Variants in ZC3H12B observed in about 807,000 individuals in gnomAD.
The protein encoded by ZC3H12B is probable ribonuclease ZC3H12B.
In ZC3H12B, 7 loss-of-function variants were observed where a neutral mutation model predicts 43.9. The ratio of observed to expected loss-of-function variants is 0.16; its 90% CI spans 0.09 to 0.30. ZC3H12B has a LOEUF of 0.30. ZC3H12B is among the 10% of genes least tolerant of loss of function. The pLI, the probability that ZC3H12B is intolerant of heterozygous loss-of-function variation, is 1.00. For synonymous variants in ZC3H12B, 222 were observed against 241.7 expected, an observed-to-expected ratio of 0.92 and a Z score of 0.76; for missense variants, 475 against 670.2, an observed-to-expected ratio of 0.71 and a Z score of 3.22.
chrX:65,139,760 G>C, the ZC3H12B span, among the ~76,000 whole-genome samples: 4 of 111,196 alleles, frequency 3.6e-5, no homozygotes, highest in African/African-American at 1.3e-4. Context: ...TTCTCAGTTT[G>C]TTATCAATGT....
At chrX:65,161,333 C>T in the ZC3H12B span, among the ~76,000 whole-genome samples, 4 of 111,235 alleles carry the variant, frequency 3.6e-5, no homozygotes, top group South Asian at 7.6e-4. Context: ...CTTTCTGTCT[C>T]GTTGATCTGT....
At chrX:65,502,587 A>G (rs780760315) in exon 5 of ZC3H12B, 2 of 1,209,936 alleles carry the variant, frequency 1.7e-6, no homozygotes, top group Admixed American at 4.4e-5. Flanking sequence ...CCTTTTCCTC[A>G]TGGTTACCAT....
the ZC3H12B span, among the ~76,000 whole-genome samples, chrX:65,166,423 T>G: frequency 8.9e-6 from 1 of 112,012 alleles, no homozygotes; most frequent in African/African-American, 3.2e-5. Context: ...ATGTGCCACA[T>G]TTTCTTAATC....
chrX:65,339,295 C>T, the ZC3H12B span, among the ~76,000 whole-genome samples: 1 of 111,497 alleles, frequency 9.0e-6, no homozygotes, highest in African/African-American at 3.3e-5. Flanking sequence ...GAGAACACTG[C>T]ATGGGTCTAC....
At chrX:65,327,389 T>C in the ZC3H12B span, among the ~76,000 whole-genome samples, 1 of 111,648 alleles carries the variant, frequency 9.0e-6, no homozygotes, top group East Asian at 2.8e-4. Flanking sequence ...TCCTAAAAGA[T>C]TGATTCTTCC....
At chrX:65,151,409 T>A in the ZC3H12B span, among the ~76,000 whole-genome samples, 25 of 112,275 alleles carry the variant, frequency 2.2e-4, no homozygotes, top group African/African-American at 7.7e-4. Flanking sequence ...AATTGACATG[T>A]AGGATATGTT....
the ZC3H12B span, among the ~76,000 whole-genome samples, chrX:65,167,080 C>T: frequency 8.9e-6 from 1 of 111,862 alleles, no homozygotes; most frequent in Non-Finnish European, 1.9e-5. Flanking sequence ...GCTTTTGTTG[C>T]CGTTGCCTTT....
the ZC3H12B span, among the ~76,000 whole-genome samples, chrX:65,175,869 G>T: frequency 8.9e-6 from 1 of 112,293 alleles, no homozygotes; most frequent in Non-Finnish European, 1.9e-5. Context: ...AAGATACTAC[G>T]CTTTACCCAC....
chrX:65,161,627 G>C, the ZC3H12B span, among the ~76,000 whole-genome samples: 83 of 111,379 alleles, frequency 7.5e-4, no homozygotes, highest in African/African-American at 2.6e-3. Flanking sequence ...AGCTCTTCCT[G>C]CATCCTTTTA....
chrX:65,288,963 G>A, the ZC3H12B span, among the ~76,000 whole-genome samples: 2 of 110,243 alleles, frequency 1.8e-5, no homozygotes, highest in Non-Finnish European at 3.8e-5. Flanking sequence ...TAGCTGAGAA[G>A]GAAATGAAGA....
chrX:65,367,773 C>T (rs1367644662), intron 1 of ZC3H12B, among the ~76,000 whole-genome samples: 2 of 110,792 alleles, frequency 1.8e-5, no homozygotes, highest in African/African-American at 6.6e-5. Flanking sequence ...GTCTTAATTT[C>T]ATGTGTCCTG....
chrX:65,383,586 A>G (rs2066475994), intron 2 of ZC3H12B, among the ~76,000 whole-genome samples: 1 of 111,730 alleles, frequency 9.0e-6, no homozygotes, highest in Non-Finnish European at 1.9e-5. Flanking sequence ...TGGCAACAAA[A>G]GCCAAAATTG....
the ZC3H12B span, among the ~76,000 whole-genome samples, chrX:65,156,611 C>A: frequency 9.0e-6 from 1 of 110,977 alleles, no homozygotes; most frequent in Admixed American, 9.6e-5. Flanking sequence ...GAACTCTCGA[C>A]CCCAGGTAAT....
At chrX:65,294,652 G>C in the ZC3H12B span, among the ~76,000 whole-genome samples, 2 of 111,512 alleles carry the variant, frequency 1.8e-5, no homozygotes, top group African/African-American at 6.5e-5. Context: ...AAAGGGGTGG[G>C]AAAAGATATT....
chrX:65,211,861 CTATATAATATATAATATAT>C, the ZC3H12B span, among the ~76,000 whole-genome samples: 3 of 70,240 alleles, frequency 4.3e-5, no homozygotes, highest in African/African-American at 1.8e-4. Flanking sequence ...GTTATGTATA[CTATATAATATATAATATAT>C]GTTATGTATA....
At chrX:65,352,556 G>A in the ZC3H12B span, among the ~76,000 whole-genome samples, 6 of 111,070 alleles carry the variant, frequency 5.4e-5, no homozygotes, top group African/African-American at 1.6e-4. Context: ...AAATCTTTTT[G>A]GAATTAAATA....
chrX:65,358,461 A>G, the ZC3H12B span, among the ~76,000 whole-genome samples: 4 of 111,911 alleles, frequency 3.6e-5, no homozygotes, highest in Non-Finnish European at 7.5e-5. Flanking sequence ...AATGCAAAAG[A>G]ACGGAAATCA....
At chrX:65,076,862 AT>A in the ZC3H12B span, among the ~76,000 whole-genome samples, 1 of 111,499 alleles carries the variant, frequency 9.0e-6, no homozygotes, top group African/African-American at 3.3e-5. Flanking sequence ...TAACTTTCTT[AT>A]CAGTTTTAAC....
At chrX:65,483,806 T>C (rs1246623486), upstream of ZC3H12B, among the ~76,000 whole-genome samples, 1 of 112,342 alleles carries the variant, frequency 8.9e-6, no homozygotes, top group African/African-American at 3.2e-5. Context: ...GCTAATTATA[T>C]GTGTTCTCAT....
Sources: gnomAD v4.1 joint callset for allele counts (sites outside exome capture counted in the v4.1 genomes callset) on GRCh38, gnomAD v4.1.1 for gene constraint, MANE v1.5 for transcripts, NCBI Gene and HGNC (gene_info 2026-07-23, HGNC 2026-07-21) for gene names.